Variants in TULP4 observed in about 807,000 individuals in gnomAD.
The protein encoded by TULP4 is tubby-related protein 4.
In TULP4, 16 loss-of-function variants were observed where a neutral mutation model predicts 129.0. The observed-to-expected ratio is 0.12, with a 90% CI of 0.08 to 0.19. The LOEUF (loss-of-function observed/expected upper bound fraction) is 0.19. Ranked by LOEUF, TULP4 falls within the 10% of genes least tolerant of loss-of-function variation. TULP4 has a pLI of 1.00. For missense variants in TULP4, 1,842 were observed against 2,059.1 expected, an observed-to-expected ratio of 0.89 and a Z score of 2.04; for synonymous variants, 998 against 854.0, an observed-to-expected ratio of 1.17 and a Z score of -2.94.
chr6:158,393,905 G>A (rs1160821483), intron 1 of TULP4, among the ~76,000 whole-genome samples: 1 of 152,238 alleles, frequency 6.6e-6, no homozygotes, highest in Non-Finnish European at 1.5e-5. Flanking sequence ...CTGGCAGCTT[G>A]AATTTCTCCC....
chr6:158,456,949 GT>G (rs1342717854), intron 5 of TULP4, among the ~76,000 whole-genome samples: 1 of 152,094 alleles, frequency 6.6e-6, no homozygotes, highest in Non-Finnish European at 1.5e-5. Context: ...GGATCAGAAT[GT>G]TTTAAGGACT....
chr6:158,444,917 T>G (rs1260196843), intron 3 of TULP4, among the ~76,000 whole-genome samples: 1 of 152,144 alleles, frequency 6.6e-6, no homozygotes, highest in Non-Finnish European at 1.5e-5. Flanking sequence ...GCTCCAGTGA[T>G]CCTCCCGCCT....
At chr6:158,419,574 A>G (rs187482562) in intron 2 of TULP4, among the ~76,000 whole-genome samples, 55 of 152,338 alleles carry the variant, frequency 3.6e-4, no homozygotes, top group South Asian at 1.4e-3. Flanking sequence ...AGATAACAGT[A>G]TATCTTGTTT....
upstream of TULP4, among the ~76,000 whole-genome samples, chr6:158,280,589 G>A (rs1282637746): frequency 6.6e-6 from 1 of 152,256 alleles, no homozygotes; most frequent in Non-Finnish European, 1.5e-5. Context: ...CTGCCTCAGT[G>A]TCTGTGCAGC....
intron 1 of TULP4, among the ~76,000 whole-genome samples, chr6:158,238,763 G>A (rs1221893136): frequency 6.0e-5 from 6 of 100,682 alleles, no homozygotes; most frequent in Non-Finnish European, 1.3e-4. Context: ...CAGATCAACA[G>A]GATCCCAAGG....
intron 5 of TULP4, among the ~76,000 whole-genome samples, chr6:158,454,017 C>T (rs1277156273): frequency 2.9e-5 from 2 of 68,468 alleles, no homozygotes; most frequent in African/African-American, 2.5e-4. Context: ...CCTGCCTCTG[C>T]ACCGCCCCCC....
At chr6:158,395,147 CA>C (rs1482580255) in intron 1 of TULP4, among the ~76,000 whole-genome samples, 1 of 152,122 alleles carries the variant, frequency 6.6e-6, no homozygotes, top group African/African-American at 2.4e-5. Flanking sequence ...CAAATCATAT[CA>C]GGGGATTACA....
At chr6:158,252,785 C>A (rs1189332316) in intron 1 of TULP4, among the ~76,000 whole-genome samples, 1 of 151,966 alleles carries the variant, frequency 6.6e-6, no homozygotes, top group African/African-American at 2.4e-5. Context: ...TCTTTTTTTC[C>A]CCTTATCAGA....
intron 1 of TULP4, among the ~76,000 whole-genome samples, chr6:158,365,791 T>C (rs528392343): frequency 5.4e-4 from 81 of 151,270 alleles, no homozygotes; most frequent in Non-Finnish European, 9.3e-4. Flanking sequence ...AACACATTTA[T>C]ATTAAAGTTG....
At chr6:158,322,961 A>T (rs1416218067) in intron 1 of TULP4, among the ~76,000 whole-genome samples, 1 of 152,116 alleles carries the variant, frequency 6.6e-6, no homozygotes, top group African/African-American at 2.4e-5. Flanking sequence ...AATACTTAGG[A>T]TTTAGCACGT....
rs376506587 is a variant in TULP4, at chr6:158,460,789, G to A, written c.860-774G>A. ...GAATATAAACTAAGACTTTGTTTTC[G>A]ATGTGCTTTTTACTTTTGGCATTTA... On this transcript the variant is annotated intron_variant, in intron 5 of 13. Coordinates refer to ENST00000367097, the MANE Select transcript of TULP4 (RefSeq NM_020245.5). Among the ~76,000 whole-genome samples, 38 of 152,010 alleles carry A rather than the reference G, an allele frequency of 2.5e-4. 1 individual carries two copies. Among genetic ancestry groups the A allele is most frequent in the Admixed American group, 1.6e-3 (24 of 15,252 alleles).
intron 1 of TULP4, among the ~76,000 whole-genome samples, chr6:158,318,934 C>G (rs1779558718): frequency 7.3e-6 from 1 of 137,762 alleles, no homozygotes; most frequent in Non-Finnish European, 1.5e-5. Context: ...TTGGTAGAGA[C>G]AGGGTTTTGC....
intron 1 of TULP4, among the ~76,000 whole-genome samples, chr6:158,298,806 G>A (rs568903462): frequency 1.3e-5 from 2 of 152,264 alleles, no homozygotes; most frequent in South Asian, 2.1e-4. Context: ...GGAGAGGAGC[G>A]GCAGTGGCAA....
At chr6:158,348,362 G>A (rs947952479) in intron 1 of TULP4, among the ~76,000 whole-genome samples, 9 of 151,904 alleles carry the variant, frequency 5.9e-5, no homozygotes, top group Admixed American at 4.6e-4. Context: ...CTTGAGATTA[G>A]GGAGTGGTGA....
intron 1 of TULP4, among the ~76,000 whole-genome samples, chr6:158,295,706 A>G (rs1352250742): frequency 6.6e-6 from 1 of 152,150 alleles, no homozygotes; most frequent in African/African-American, 2.4e-5. Context: ...TGGCTAACAC[A>G]GTGAAACTCC....
At chr6:158,369,038 CTATT>C (rs564028926) in intron 1 of TULP4, among the ~76,000 whole-genome samples, 107 of 152,186 alleles carry the variant, frequency 7.0e-4, no homozygotes, top group African/African-American at 2.5e-3. Context: ...AGAAGTGTCT[CTATT>C]TATATCTTAT....
At chr6:158,390,626 C>A (rs571817221) in intron 1 of TULP4, among the ~76,000 whole-genome samples, 10 of 152,184 alleles carry the variant, frequency 6.6e-5, no homozygotes, top group African/African-American at 2.2e-4. Flanking sequence ...CAAATCACAA[C>A]AGGAAAAGGA....
At chr6:158,494,880 G>A (rs772352271) in intron 11 of TULP4, 34 bp downstream of exon 11, 1 of 1,587,710 alleles carries the variant, frequency 6.3e-7, no homozygotes, top group Non-Finnish European at 8.6e-7. Flanking sequence ...CATTGTCCCA[G>A]TTGGAACAAA....
chr6:158,249,364 AAGAC>A (rs1359867215), intron 1 of TULP4, among the ~76,000 whole-genome samples: 1 of 145,134 alleles, frequency 6.9e-6, no homozygotes, highest in African/African-American at 2.5e-5. Context: ...CTCTTAATAA[AAGAC>A]AGAAAGCTCA....
Sources: gnomAD v4.1 joint callset for allele counts (sites outside exome capture counted in the v4.1 genomes callset) on GRCh38, gnomAD v4.1.1 for gene constraint, MANE v1.5 for transcripts, NCBI Gene and HGNC (gene_info 2026-07-23, HGNC 2026-07-21) for gene names.